Variants in UTRN observed in about 807,000 individuals in gnomAD.
UTRN encodes dystrophin-related protein 1.
Under a neutral mutation model 463.9 loss-of-function variants are expected in UTRN, and 283 were observed. The ratio of observed to expected loss-of-function variants is 0.61; its 90% CI spans 0.55 to 0.67. The LOEUF (loss-of-function observed/expected upper bound fraction) is 0.67. Ranked by LOEUF, UTRN falls within the 30% of genes least tolerant of loss-of-function variation. UTRN has a pLI of 0.00. For synonymous variants in UTRN, 1,442 were observed against 1,431.5 expected, an observed-to-expected ratio of 1.01 and a Z score of -0.17; for missense variants, 3,922 against 4,084.3, an observed-to-expected ratio of 0.96 and a Z score of 1.08.
At chr6:144,600,493 C>T (rs1313979931) in intron 51 of UTRN, among the ~76,000 whole-genome samples, 1 of 152,210 alleles carries the variant, frequency 6.6e-6, no homozygotes, top group African/African-American at 2.4e-5. Flanking sequence ...AAGATCAAAC[C>T]AGTCACAACA....
At chr6:144,635,068 G>A (rs1309672054) in intron 51 of UTRN, among the ~76,000 whole-genome samples, 1 of 150,950 alleles carries the variant, frequency 6.6e-6, no homozygotes, top group Non-Finnish European at 1.5e-5. Context: ...GTATATATGG[G>A]AATATTGTCA....
Position 144,462,752 on chromosome 6 carries a change from A to G in UTRN, c.2952A>G (p.Lys984=), listed in dbSNP as rs1789551232. 6.2e-7 allele frequency: 1 copy of G among 1,612,102 alleles called. No homozygotes were observed. The highest frequency in any genetic ancestry group is 1.7e-5 in the Admixed American group (1 of 59,584). ...LEKNVHPDVE[K]LYKQEFDDVQ... is the part of the protein sequence containing the mutation. ...AAAATGTTCATCCTGATGTAGAAAA[A>G]TTATATAAGCAAGAATTTGATGATG... Residue 984 remains lysine (K), a synonymous_variant, in exon 23 of 75, where the codon AAA becomes AAG. Coordinates refer to ENST00000367545, the MANE Select transcript of UTRN (RefSeq NM_007124.3).
chr6:144,755,391 C>T (rs1004728033), intron 57 of UTRN, among the ~76,000 whole-genome samples: 1 of 152,140 alleles, frequency 6.6e-6, no homozygotes, highest in Non-Finnish European at 1.5e-5. Context: ...CTTCAATAAA[C>T]AATTTGAGCT....
rs77975949 is a variant in UTRN, at chr6:144,510,499, C to T, written c.4765-445C>T. Among the ~76,000 whole-genome samples, 586 of 152,212 alleles carry T rather than the reference C, an allele frequency of 3.8e-3. 1 individual carries two copies. Among genetic ancestry groups the T allele is most frequent in the African/African-American group, 0.013 (556 of 41,528 alleles). ...CCTTGCAAGTACCTATAGTACACAT[C>T]GATAGTTTCCTCTGGTAATCTAGGA... is the stretch of plus-strand genomic sequence containing the variant. On this transcript the variant is annotated intron_variant, in intron 34 of 74. Transcript: ENST00000367545.
chr6:144,461,538 G>A (rs9390169), intron 22 of UTRN, among the ~76,000 whole-genome samples, 196 bp downstream of exon 22: 2 of 152,112 alleles, frequency 1.3e-5, no homozygotes, highest in South Asian at 4.1e-4. Context: ...TTTTTTCATA[G>A]AAGAAAAGCA....
chr6:144,570,344 T>A (rs1430499516), intron 50 of UTRN, among the ~76,000 whole-genome samples: 1 of 152,136 alleles, frequency 6.6e-6, no homozygotes, highest in Non-Finnish European at 1.5e-5. Flanking sequence ...TTCATTTTTA[T>A]AGATAAATAA....
intron 2 of UTRN, among the ~76,000 whole-genome samples, chr6:144,359,185 G>A (rs932581579): frequency 5.9e-5 from 9 of 152,330 alleles, no homozygotes; most frequent in East Asian, 1.9e-4. Context: ...TTTGTCCACC[G>A]TGAGACAGTT....
chr6:144,400,321 G>T (rs1782827045), intron 2 of UTRN, among the ~76,000 whole-genome samples: 1 of 152,046 alleles, frequency 6.6e-6, no homozygotes, highest in South Asian at 2.1e-4. Context: ...TAACGAATTG[G>T]CTTGATAATG....
intron 71 of UTRN, among the ~76,000 whole-genome samples, chr6:144,838,113 C>A (rs1781257309): frequency 6.6e-6 from 1 of 152,174 alleles, no homozygotes; most frequent in Non-Finnish European, 1.5e-5. Flanking sequence ...GGAATTGCTA[C>A]AGAAGGAAGC....
chr6:144,472,312 CTTTTT>C (rs760604326), intron 23 of UTRN, among the ~76,000 whole-genome samples: 3 of 135,034 alleles, frequency 2.2e-5, no homozygotes. Flanking sequence ...ACTTTCTTTT[CTTTTT>C]TTTTTTTTTT....
chr6:144,664,140 C>T (rs1167097112), intron 51 of UTRN, among the ~76,000 whole-genome samples: 1 of 152,128 alleles, frequency 6.6e-6, no homozygotes, highest in Non-Finnish European at 1.5e-5. Flanking sequence ...TACATTTAAA[C>T]TGAGACTTAA....
chr6:144,423,752 C>A, intron 5 of UTRN, 126 bp downstream of exon 5: 1 of 1,191,124 alleles, frequency 8.4e-7, no homozygotes, highest in South Asian at 1.3e-5. Flanking sequence ...ATGAGAAATA[C>A]TGAACTTTTT....
chr6:144,635,535 C>CTTTTTTTTTTTTTTTTTTTT (rs1219903798), intron 51 of UTRN, among the ~76,000 whole-genome samples: 2 of 33,186 alleles, frequency 6.0e-5, no homozygotes, highest in Non-Finnish European at 1.1e-4. Flanking sequence ...TTTTTCTTTT[C>CTTTTTTTTTTTTTTTTTTTT]TTTTTTTTTT....
At chr6:144,592,568 A>G (rs1378653243) in intron 51 of UTRN, among the ~76,000 whole-genome samples, 1 of 152,006 alleles carries the variant, frequency 6.6e-6, no homozygotes, top group East Asian at 1.9e-4. Flanking sequence ...ACGGAGTTTC[A>G]CCATGTTGGC....
At chr6:144,576,431 A>G (rs1801442044) in intron 50 of UTRN, among the ~76,000 whole-genome samples, 2 of 152,278 alleles carry the variant, frequency 1.3e-5, no homozygotes, top group East Asian at 1.9e-4. Context: ...TGTAGATTTA[A>G]TGAAGGGTTT....
At chr6:144,471,031 GACGAGGGA>G (rs1790558654) in intron 23 of UTRN, among the ~76,000 whole-genome samples, 1 of 127,508 alleles carries the variant, frequency 7.8e-6, no homozygotes, top group African/African-American at 3.1e-5. Context: ...GGGAGAGGGA[GACGAGGGA>G]GGGGGAGAGG....
intron 40 of UTRN, among the ~76,000 whole-genome samples, chr6:144,522,467 T>C (rs768218732): frequency 2.6e-5 from 4 of 152,204 alleles, no homozygotes; most frequent in Non-Finnish European, 4.4e-5. Context: ...ATAAACTAGA[T>C]TGTCAGTTGA....
At chr6:144,741,329 G>A (rs1790047396) in intron 54 of UTRN, among the ~76,000 whole-genome samples, 1 of 152,074 alleles carries the variant, frequency 6.6e-6, no homozygotes, top group South Asian at 2.1e-4. Context: ...GCAGTCATGT[G>A]GCAAGAAATA....
intron 51 of UTRN, among the ~76,000 whole-genome samples, chr6:144,592,927 T>A (rs1803254740): frequency 6.6e-6 from 1 of 152,232 alleles, no homozygotes; most frequent in South Asian, 2.1e-4. Flanking sequence ...TTTCAGATAC[T>A]GAGAACCCAG....
Sources: gnomAD v4.1 joint callset for allele counts (sites outside exome capture counted in the v4.1 genomes callset) on GRCh38, gnomAD v4.1.1 for gene constraint, MANE v1.5 for transcripts, NCBI Gene and HGNC (gene_info 2026-07-23, HGNC 2026-07-21) for gene names.